Variants in MANEAL observed in about 807,000 individuals in gnomAD.
MANEAL encodes glycoprotein endo-alpha-1,2-mannosidase-like protein.
In MANEAL, 28 loss-of-function variants were observed where a neutral mutation model predicts 35.9. That is an observed-to-expected ratio of 0.78 (90% confidence interval 0.58 to 1.07). The LOEUF (loss-of-function observed/expected upper bound fraction) is 1.07. MANEAL is among the 50% of genes least tolerant of loss of function. The probability of loss-of-function intolerance (pLI) is 0.00; values close to 1 mark genes in which losing one functional copy is unlikely to be tolerated. For synonymous variants in MANEAL, 286 were observed against 272.2 expected, an observed-to-expected ratio of 1.05 and a Z score of -0.50; for missense variants, 576 against 629.6, an observed-to-expected ratio of 0.91 and a Z score of 0.91.
Position 37,800,309 on chromosome 1 carries a change from A to T in MANEAL, c.*106A>T. 3 of 1,377,608 alleles carry T rather than the reference A, an allele frequency of 2.2e-6. 1 individual carries two copies. Among genetic ancestry groups the T allele is most frequent in the African/African-American group, 2.9e-5 (2 of 69,958 alleles). 85.3% of individuals were successfully genotyped at this position (1,377,608 alleles called of 1,614,324 possible). On this transcript the variant is annotated 3_prime_UTR_variant, in exon 4 of 4. Coordinates refer to ENST00000373045, the MANE Select transcript of MANEAL (RefSeq NM_001113482.2). ...AGCCACTCACTCGTTCCCAGGTCAG[A>T]GGTCAGCAGATGGGTGTTTCTGGGT... is the stretch of plus-strand genomic sequence containing the variant.
chr1:37,799,985 ACGGCCCTGCAGG>A lies in MANEAL; in HGVS notation c.1165_1176del (p.Gln389_Leu392del). On this transcript the variant is annotated inframe_deletion, in exon 4 of 4. Transcript: ENST00000373045. The surrounding 1 kb of genome is among the most constrained non-coding windows in gnomAD (Gnocchi z 4.1). ...CAGGGTCAATGGCAAGTACTATGAG[ACGGCCCTGCAGG>A]CGGCCCTGACAGTGAGGCCCGAGAT... The A allele has an allele frequency of 6.2e-7, 1 of 1,614,210 alleles. No homozygotes were observed. The highest frequency in any genetic ancestry group is 8.5e-7 in the Non-Finnish European group (1 of 1,180,038).
At position 37,794,582 on chromosome 1, in the gene MANEAL, G is replaced by A; in HGVS notation, c.400G>A (p.Asp134Asn). 1 of 1,611,854 alleles carries A rather than the reference G, an allele frequency of 6.2e-7. No homozygotes were observed. Among genetic ancestry groups the A allele is most frequent in the Non-Finnish European group, 8.5e-7 (1 of 1,179,650 alleles). The change falls in exon 1 of 4, where the codon GAC becomes AAC. Residue 134 changes from aspartate (D) to asparagine (N), a missense_variant. Around this residue, in one of 3 missense-constraint regions of MANEAL, gnomAD observed 449 missense variants for 516.1 expected, o/e 0.87. Transcript: ENST00000373045. The surrounding 1 kb of genome is among the most constrained non-coding windows in gnomAD (Gnocchi z 5.7). Reference sequence around the variant, plus strand: ...GGACCACGTCATGGTGCCGCACTGGGACCCCAAGATCTCGGCCAGCTACCC... The same window carrying A: ...GGACCACGTCATGGTGCCGCACTGGAACCCCAAGATCTCGGCCAGCTACCC... ...HWDHVMVPHWDPKISASYPRG... is the reference protein window; with the variant it reads ...HWDHVMVPHWNPKISASYPRG...
At position 37,800,193 on chromosome 1, in the gene MANEAL, G is replaced by A; in HGVS notation, c.1364G>A (p.Trp455Ter). The A allele has an allele frequency of 6.2e-7, 1 of 1,612,832 alleles. No individual in the cohort carries two copies. Among genetic ancestry groups the A allele is most frequent in the East Asian group, 2.2e-5 (1 of 44,882 alleles). ...CACTTCATCAAAGAGAAGGAGCAGT[G>A]GCTCATGTGAGGGGCCTGTAAATGG... ...AEHFIKEKEQ[W>*]LM Residue 455 changes from tryptophan (W) to a stop codon, truncating the protein, a stop_gained, in exon 4 of 4, where the codon TGG becomes TAG. Coordinates refer to ENST00000373045, the MANE Select transcript of MANEAL (RefSeq NM_001113482.2). LOFTEE classifies it high-confidence loss of function.
chr1:37,795,059 C>A (rs1329850161), intron 1 of MANEAL, among the ~76,000 whole-genome samples: 2 of 152,196 alleles, frequency 1.3e-5, no homozygotes, highest in African/African-American at 2.4e-5. Flanking sequence ...GGAGTCCTGG[C>A]CCGCAGGTTC....
intron 2 of MANEAL, among the ~76,000 whole-genome samples, chr1:37,796,499 A>G (rs1180857660): frequency 6.6e-6 from 1 of 152,186 alleles, no homozygotes; most frequent in Non-Finnish European, 1.5e-5. Context: ...GTTGAAACCT[A>G]TTAGCCACCC....
rs1646631761 is a variant in MANEAL at position 37,794,874 on chromosome 1, C to T, written c.550+142C>T. ...GGCTTCTTAGCTGTTCCCTCCCACT[C>T]TCATCCTGGGCCCACCATGCGACAC... On this transcript the variant is annotated intron_variant, in intron 1 of 3. Transcript: ENST00000373045. This position sits in a 1 kb window ranked among gnomAD's most constrained non-coding sequence, Gnocchi z 5.7. The T allele has an allele frequency of 1.6e-6, 1 of 610,588 alleles. No homozygotes were observed. The highest frequency in any genetic ancestry group is 2.9e-6 in the Non-Finnish European group (1 of 349,430). 37.8% of individuals were successfully genotyped at this position (610,588 alleles called of 1,614,324 possible).
At position 37,796,960 on chromosome 1, in the gene MANEAL, G is replaced by A. The variant is rs141204259; in HGVS notation, c.737+140G>A. On this transcript the variant is annotated intron_variant, in intron 3 of 3. Transcript: ENST00000373045. ...CTGTTTTATAGTAAGAGAGTACTGG[G>A]CCTAAAGTCAGGCAGCCTGGGTTTC... The A allele has an allele frequency of 2.6e-4, 218 of 833,216 alleles. 2 individuals are homozygous for A. The African/African-American group carries it at 3.3e-3, about 13-fold the overall frequency. 51.6% of individuals were successfully genotyped at this position (833,216 alleles called of 1,614,324 possible). A position where few individuals can be genotyped will look rare whatever the true frequency, so the allele number is the denominator to read the frequency against.
At chr1:37,798,606 G>A (rs1481746319) in intron 3 of MANEAL, among the ~76,000 whole-genome samples, 1 of 151,686 alleles carries the variant, frequency 6.6e-6, no homozygotes, top group African/African-American at 2.4e-5. Context: ...GGTGATGCAT[G>A]CCTATTGTCC....
Position 37,800,765 on chromosome 1 carries a change from C to T in MANEAL, c.*562C>T, listed in dbSNP as rs1179763518. The T allele has an allele frequency of 1.9e-5, 3 of 157,656 alleles. No individual in the cohort carries two copies. The East Asian group carries it at 5.6e-4, about 29-fold the overall frequency. The allele number at this position is 157,656 out of a possible 1,614,324, so 9.8% of individuals were successfully genotyped here. A position where few individuals can be genotyped will look rare whatever the true frequency, so the allele number is the denominator to read the frequency against. On this transcript the variant is annotated 3_prime_UTR_variant, in exon 4 of 4. Coordinates refer to ENST00000373045, the MANE Select transcript of MANEAL (RefSeq NM_001113482.2). ...CCTGAGCACTCACAGGTTCATTTAA[C>T]ACTCACTCATCAAGCACCTTCCTAT... is the stretch of plus-strand genomic sequence containing the variant.
intron 3 of MANEAL, among the ~76,000 whole-genome samples, chr1:37,798,873 T>C (rs933523012): frequency 6.6e-6 from 1 of 151,940 alleles, no homozygotes; most frequent in African/African-American, 2.4e-5. Flanking sequence ...ACCCCATCTC[T>C]ACTAAAAATA....
At chr1:37,797,573 C>T (rs570948120) in intron 3 of MANEAL, among the ~76,000 whole-genome samples, 19 of 148,516 alleles carry the variant, frequency 1.3e-4, no homozygotes, top group Admixed American at 6.7e-4. Flanking sequence ...TGGGTTCAAG[C>T]GATTCTCCTG....
At position 37,796,778 on chromosome 1, in the gene MANEAL, A is replaced by G. The variant is rs1423003385; in HGVS notation, c.695A>G (p.Asp232Gly). Reference sequence around the variant, plus strand: ...CACATCCAACCCTACAAGGGCCGGGATGACATCACTGTACATGACAACATC... The same window carrying G: ...CACATCCAACCCTACAAGGGCCGGGGTGACATCACTGTACATGACAACATC... ...AFHIQPYKGR[D>G]DITVHDNIKY... The change falls in exon 3 of 4, where the codon GAT becomes GGT. Residue 232 changes from aspartate (D) to glycine (G), a missense_variant. Around this residue, in one of 3 missense-constraint regions of MANEAL, gnomAD observed 449 missense variants for 516.1 expected, o/e 0.87. Coordinates refer to ENST00000373045, the MANE Select transcript of MANEAL (RefSeq NM_001113482.2). 6.2e-7 allele frequency: 1 copy of G among 1,607,590 alleles called. No individual in the cohort carries two copies. Among genetic ancestry groups the G allele is most frequent in the Non-Finnish European group, 8.5e-7 (1 of 1,177,190 alleles).
chr1:37,799,656 C>A lies in MANEAL; in HGVS notation c.827C>A (p.Ser276Tyr), dbSNP rs758391163. 6.2e-7 allele frequency: 1 copy of A among 1,614,196 alleles called. No homozygotes were observed. Among genetic ancestry groups the A allele is most frequent in the South Asian group, 1.1e-5 (1 of 91,088 alleles). ...LFYIYDSYLT[S>Y]PEAWAHLLTP... ...TATATCTACGACTCATACCTGACGT[C>A]CCCTGAGGCCTGGGCCCACCTCCTG... Residue 276 changes from serine to tyrosine, a missense_variant, in exon 4 of 4, where the codon TCC becomes TAC. Physicochemically the swap from Ser to Tyr is moderately radical, Grantham distance 144. This residue lies in a region of MANEAL where 449 missense variants were observed against 516.1 expected (regional missense o/e 0.87). Coordinates refer to ENST00000373045, the MANE Select transcript of MANEAL (RefSeq NM_001113482.2). The surrounding 1 kb of genome is among the most constrained non-coding windows in gnomAD (Gnocchi z 4.1).
rs1227153569 is a variant in MANEAL at position 37,800,331 on chromosome 1, G to C, written c.*128G>C. The C allele has an allele frequency of 8.5e-7, 1 of 1,174,198 alleles. No homozygotes were observed. The highest frequency in any genetic ancestry group is 1.2e-6 in the Non-Finnish European group (1 of 842,710). The allele number at this position is 1,174,198 out of a possible 1,614,324, so 72.7% of individuals were successfully genotyped here. On this transcript the variant is annotated 3_prime_UTR_variant, in exon 4 of 4. Coordinates refer to ENST00000373045, the MANE Select transcript of MANEAL (RefSeq NM_001113482.2). Reference sequence around the variant, plus strand: ...CAGAGGTCAGCAGATGGGTGTTTCTGGGTGGGCCGTCAGGCATGGGCCTGT... The same window carrying C: ...CAGAGGTCAGCAGATGGGTGTTTCTCGGTGGGCCGTCAGGCATGGGCCTGT...
At position 37,794,549 on chromosome 1, in the gene MANEAL, A is replaced by T. The variant is rs763895575; in HGVS notation, c.367A>T (p.Ile123Phe). The change falls in exon 1 of 4, where the codon ATT (isoleucine) becomes TTT (phenylalanine). Residue 123 changes from isoleucine to phenylalanine, a missense_variant. By Grantham distance (21) the Ile-to-Phe change is conservative. Coordinates refer to ENST00000373045, the MANE Select transcript of MANEAL (RefSeq NM_001113482.2). This position sits in a 1 kb window ranked among gnomAD's most constrained non-coding sequence, Gnocchi z 5.7. Reference protein sequence around the residue: ...YGSPRREGHYIHWDHVMVPHW... With the variant: ...YGSPRREGHYFHWDHVMVPHW... ...GAGCCCGCGGCGCGAGGGCCACTAC[A>T]TTCACTGGGACCACGTCATGGTGCC... 1 of 1,611,808 alleles carries T rather than the reference A, an allele frequency of 6.2e-7. No individual in the cohort carries two copies. The highest frequency in any genetic ancestry group is 8.5e-7 in the Non-Finnish European group (1 of 1,179,604).
At chr1:37,795,664 G>A (rs908131390) in intron 1 of MANEAL, 73 bp from the exon 2 acceptor site, 86 of 1,599,874 alleles carry the variant, frequency 5.4e-5, no homozygotes, top group Non-Finnish European at 6.7e-5. Flanking sequence ...AATTGGAGAT[G>A]TTTGTGAGGA....
chr1:37,800,079 T>G lies in MANEAL; in HGVS notation c.1250T>G (p.Ile417Ser), dbSNP rs1187332899. 2.5e-6 allele frequency: 4 copies of G among 1,614,112 alleles called. No homozygotes were observed. In the East Asian group the frequency reaches 8.9e-5, roughly 36 times the overall value. ...WHEGTQIEKA[I>S]PKKTPTRLYL... ...GAGGGCACCCAGATTGAGAAGGCCA[T>G]TCCCAAGAAGACACCCACCCGCCTG... Residue 417 changes from isoleucine (I) to serine (S), a missense_variant, in exon 4 of 4, where the codon ATT becomes AGT. Around this residue, in one of 3 missense-constraint regions of MANEAL, gnomAD observed 449 missense variants for 516.1 expected, o/e 0.87. Transcript: ENST00000373045.
At position 37,799,470 on chromosome 1, in the gene MANEAL, G is replaced by C; in HGVS notation, c.738-97G>C. 7.3e-7 allele frequency: 1 copy of C among 1,377,180 alleles called. No homozygotes were observed. The highest frequency in any genetic ancestry group is 9.9e-7 in the Non-Finnish European group (1 of 1,014,826). The allele number at this position is 1,377,180 out of a possible 1,614,324, so 85.3% of individuals were successfully genotyped here. ...CAACTGTGGAGACTGACTGGCTCCA[G>C]AACTGGGCTGTGTTGCATCCGTATC... On this transcript the variant is annotated intron_variant, in intron 3 of 3. Coordinates refer to ENST00000373045, the MANE Select transcript of MANEAL (RefSeq NM_001113482.2). This position sits in a 1 kb window ranked among gnomAD's most constrained non-coding sequence, Gnocchi z 4.1.
intron 3 of MANEAL, among the ~76,000 whole-genome samples, chr1:37,798,291 A>G (rs945535882): frequency 6.6e-6 from 1 of 152,242 alleles, no homozygotes; most frequent in East Asian, 1.9e-4. Context: ...TGTTGCAGGT[A>G]CTGTGGAGCA....
Sources: allele counts gnomAD v4.1 joint callset (sites outside exome capture counted in the v4.1 genomes callset), GRCh38; gene constraint gnomAD v4.1.1; regional missense constraint gnomAD v4.1.1; non-coding constraint Gnocchi (gnomAD v3.1); transcripts MANE v1.5; gene names NCBI Gene and HGNC (gene_info 2026-07-23, HGNC 2026-07-21).